Variants in MGAT4C observed in about 807,000 individuals in gnomAD.
MGAT4C encodes alpha-1,3-mannosyl-glycoprotein 4-beta-N-acetylglucosaminyltransferase C.
MGAT4C carries 19 observed loss-of-function variants against 40.1 expected under a neutral mutation model. That is an observed-to-expected ratio of 0.47 (90% confidence interval 0.33 to 0.70). The LOEUF is 0.70. MGAT4C is among the 30% of genes least tolerant of loss of function. The pLI, the probability that MGAT4C is intolerant of heterozygous loss-of-function variation, is 0.02. For synonymous variants in MGAT4C, 181 were observed against 187.1 expected (o/e 0.97, Z 0.27); for missense variants, 491 against 563.2 (o/e 0.87, Z 1.30).
chr12:86,347,639 C>T (rs1286658158), intron 3 of MGAT4C, among the ~76,000 whole-genome samples: 2 of 152,070 alleles, frequency 1.3e-5, no homozygotes, highest in African/African-American at 2.4e-5. Flanking sequence ...TACTTGTCAC[C>T]TCGTATAGAC....
intron 2 of MGAT4C, among the ~76,000 whole-genome samples, chr12:86,007,086 C>G (rs1162332817): frequency 6.6e-6 from 1 of 152,068 alleles, no homozygotes; most frequent in East Asian, 1.9e-4. Flanking sequence ...GTATCTTCCT[C>G]TGTTTATATT....
At chr12:86,464,396 A>T (rs1029670890) in intron 2 of MGAT4C, among the ~76,000 whole-genome samples, 1 of 152,182 alleles carries the variant, frequency 6.6e-6, no homozygotes, top group African/African-American at 2.4e-5. Context: ...TCTTAAAATA[A>T]TTTTATATCA....
chr12:86,323,975 T>C (rs1235828797), intron 4 of MGAT4C, among the ~76,000 whole-genome samples: 1 of 152,008 alleles, frequency 6.6e-6, no homozygotes, highest in African/African-American at 2.4e-5. Context: ...TATTCTTATA[T>C]AAGCTATTAC....
intron 2 of MGAT4C, among the ~76,000 whole-genome samples, chr12:86,606,573 G>A (rs867752649): frequency 2.6e-5 from 4 of 152,126 alleles, no homozygotes; most frequent in Non-Finnish European, 5.9e-5. Context: ...TAAGCAGCTT[G>A]CTCTCCTGAT....
At chr12:86,300,518 A>C (rs1953783452) in intron 4 of MGAT4C, among the ~76,000 whole-genome samples, 1 of 152,172 alleles carries the variant, frequency 6.6e-6, no homozygotes, top group Admixed American at 6.5e-5. Context: ...AGAAAAACAA[A>C]AAACAAAAAA....
chr12:86,312,942 T>C (rs1480763233), intron 4 of MGAT4C, among the ~76,000 whole-genome samples: 1 of 152,134 alleles, frequency 6.6e-6, no homozygotes, highest in Non-Finnish European at 1.5e-5. Flanking sequence ...GTCTTTAATA[T>C]ATCAAAAGGC....
intron 2 of MGAT4C, among the ~76,000 whole-genome samples, chr12:86,010,258 T>C (rs535421876): frequency 1.3e-5 from 2 of 152,172 alleles, no homozygotes; most frequent in African/African-American, 4.8e-5. Flanking sequence ...ACAGGACTAA[T>C]GAAATAAAGA....
chr12:86,642,546 CTG>C (rs1402036851), intron 2 of MGAT4C, among the ~76,000 whole-genome samples: 2 of 151,708 alleles, frequency 1.3e-5, no homozygotes, highest in African/African-American at 4.8e-5. Context: ...TGCCAAAAGA[CTG>C]AGAGGAGTTT....
At chr12:86,302,397 TTTGG>T (rs71076182) in intron 4 of MGAT4C, among the ~76,000 whole-genome samples, 1,881 of 132,570 alleles carry the variant, frequency 0.014, 160 homozygotes, top group African/African-American at 0.041. Context: ...TTTTTGTTTG[TTTGG>T]TTGGTTGGTT....
intron 2 of MGAT4C, among the ~76,000 whole-genome samples, chr12:86,557,693 G>A (rs1161332894): frequency 6.6e-6 from 1 of 152,262 alleles, no homozygotes; most frequent in Non-Finnish European, 1.5e-5. Context: ...AAACACTGTA[G>A]TAAACAAACA....
chr12:86,027,871 T>G, intron 2 of MGAT4C, among the ~76,000 whole-genome samples: 1 of 151,900 alleles, frequency 6.6e-6, no homozygotes, highest in East Asian at 1.9e-4. Flanking sequence ...TGATGATCCA[T>G]CATTTCATTT....
intron 1 of MGAT4C, among the ~76,000 whole-genome samples, chr12:86,140,275 T>C (rs1453250754): frequency 1.3e-5 from 2 of 152,192 alleles, no homozygotes; most frequent in Admixed American, 1.3e-4. Context: ...ACACATTTTC[T>C]AAATATAACA....
intron 2 of MGAT4C, among the ~76,000 whole-genome samples, chr12:86,698,692 A>G (rs1290832437): frequency 6.6e-6 from 1 of 151,992 alleles, no homozygotes; most frequent in African/African-American, 2.4e-5. Flanking sequence ...GGGGGTGGGT[A>G]TTCTGTTGAT....
At chr12:86,826,871 T>G (rs1303055514) in intron 1 of MGAT4C, among the ~76,000 whole-genome samples, 1 of 151,434 alleles carries the variant, frequency 6.6e-6, no homozygotes, top group Non-Finnish European at 1.5e-5. Context: ...CTATGTATAT[T>G]TGTCTAAAAT....
intron 2 of MGAT4C, among the ~76,000 whole-genome samples, chr12:86,718,970 G>A (rs959650826): frequency 2.0e-5 from 3 of 152,080 alleles, no homozygotes; most frequent in African/African-American, 4.8e-5. Context: ...TGATGGTTAC[G>A]TTCTTAAAGA....
intron 3 of MGAT4C, among the ~76,000 whole-genome samples, chr12:86,336,474 G>A (rs1314940648): frequency 1.3e-5 from 2 of 152,176 alleles, no homozygotes; most frequent in South Asian, 2.1e-4. Context: ...TGCAAGGTAT[G>A]CCTTGATAAT....
chr12:86,001,235 C>A (rs758429106), intron 2 of MGAT4C, among the ~76,000 whole-genome samples: 6 of 152,176 alleles, frequency 3.9e-5, no homozygotes, highest in Admixed American at 6.5e-5. Flanking sequence ...TAATGATTTT[C>A]AATCCACTAA....
intron 2 of MGAT4C, among the ~76,000 whole-genome samples, chr12:86,577,447 G>A (rs567564920): frequency 5.3e-5 from 8 of 151,688 alleles, no homozygotes; most frequent in Non-Finnish European, 7.4e-5. Context: ...TGGGTCTGTC[G>A]TATATGGCTT....
chr12:86,618,522 G>A (rs965495561), intron 2 of MGAT4C, among the ~76,000 whole-genome samples: 1 of 152,014 alleles, frequency 6.6e-6, no homozygotes, highest in Non-Finnish European at 1.5e-5. Context: ...TTGTCATTTC[G>A]AGCAACATAG....
Sources: allele counts gnomAD v4.1 joint callset (sites outside exome capture counted in the v4.1 genomes callset), GRCh38; gene constraint gnomAD v4.1.1; transcripts MANE v1.5; gene names NCBI Gene and HGNC (gene_info 2026-07-23, HGNC 2026-07-21).